The following PLCB4 variants were observed in gnomAD, a reference collection of about 807,000 sequenced individuals.
PLCB4 encodes the protein 1-phosphatidylinositol 4,5-bisphosphate phosphodiesterase beta-4.
A neutral mutation model predicts 178.8 loss-of-function variants in PLCB4; 77 were observed. The observed-to-expected ratio is 0.43, with a 90% CI of 0.36 to 0.52. The LOEUF is 0.52. Among genes scored for constraint, PLCB4 ranks in the 20% least tolerant of loss-of-function variants. The pLI is 0.00. For missense variants in PLCB4, 1,024 were observed against 1,453.4 expected (o/e 0.70, Z 4.80); for synonymous variants, 496 against 490.8 (o/e 1.01, Z -0.14).
intron 39 of PLCB4, among the ~76,000 whole-genome samples, 199 bp from the exon 40 acceptor site, chr20:9,478,722 T>C (rs2044718430): frequency 6.6e-6 from 1 of 152,160 alleles, no homozygotes; most frequent in Non-Finnish European, 1.5e-5. Context: ...ACTGATTCAA[T>C]AGATCTGGGG....
chr20:9,332,108 T>A (rs1021805683), intron 4 of PLCB4, among the ~76,000 whole-genome samples: 2 of 152,226 alleles, frequency 1.3e-5, no homozygotes, highest in African/African-American at 4.8e-5. Flanking sequence ...CTCTTATGGT[T>A]TGTTTCTTTA....
intron 30 of PLCB4, among the ~76,000 whole-genome samples, chr20:9,438,031 T>C (rs551321184): frequency 2.0e-5 from 3 of 152,092 alleles, no homozygotes; most frequent in African/African-American, 7.2e-5. Context: ...GAAATCTAGA[T>C]TAAGTTGGAA....
chr20:9,261,303 G>T (rs944194383), intron 3 of PLCB4, among the ~76,000 whole-genome samples: 5 of 151,958 alleles, frequency 3.3e-5, no homozygotes, highest in Non-Finnish European at 7.4e-5. Context: ...GCATTGAAAA[G>T]ATTTTAGGAA....
intron 4 of PLCB4, among the ~76,000 whole-genome samples, chr20:9,319,818 C>T (rs752340356): frequency 5.9e-5 from 9 of 152,118 alleles, no homozygotes; most frequent in Non-Finnish European, 8.8e-5. Context: ...CAGACACACC[C>T]GGAAGTAATA....
chr20:9,206,866 C>G (rs909173746), intron 2 of PLCB4, among the ~76,000 whole-genome samples: 3 of 152,152 alleles, frequency 2.0e-5, no homozygotes, highest in African/African-American at 7.2e-5. Flanking sequence ...CCTATAAAAA[C>G]CAATACCCTT....
intron 2 of PLCB4, among the ~76,000 whole-genome samples, chr20:9,211,874 A>G (rs2093676943): frequency 6.6e-6 from 1 of 152,246 alleles, no homozygotes; most frequent in Admixed American, 6.5e-5. Context: ...AAACTGTACC[A>G]TTAATAATAA....
chr20:9,405,261 T>G (rs1264558032), intron 20 of PLCB4, 52 bp from the exon 21 acceptor site: 2 of 944,006 alleles, frequency 2.1e-6, no homozygotes, highest in African/African-American at 3.3e-5. Context: ...CTAATAAATT[T>G]GGAATTTTGC....
chr20:9,300,064 A>G (rs987386217), intron 3 of PLCB4, among the ~76,000 whole-genome samples: 1 of 152,160 alleles, frequency 6.6e-6, no homozygotes, highest in Non-Finnish European at 1.5e-5. Flanking sequence ...CTGGAGGTAA[A>G]GCCATTTATT....
intron 2 of PLCB4, among the ~76,000 whole-genome samples, chr20:9,116,904 T>G (rs2091799597): frequency 6.6e-6 from 1 of 152,174 alleles, no homozygotes; most frequent in Non-Finnish European, 1.5e-5. Context: ...ATCCTGCATG[T>G]TTTTTATTCA....
intron 2 of PLCB4, among the ~76,000 whole-genome samples, chr20:9,133,234 C>T (rs561334933): frequency 6.6e-6 from 1 of 152,138 alleles, no homozygotes; most frequent in African/African-American, 2.4e-5. Flanking sequence ...TTTGTGCATA[C>T]TTCTGTTTTT....
At chr20:9,314,691 G>T (rs532717894) in intron 4 of PLCB4, among the ~76,000 whole-genome samples, 161 of 152,164 alleles carry the variant, frequency 1.1e-3, no homozygotes, top group Non-Finnish European at 1.1e-3. Flanking sequence ...AGGGAAGAAC[G>T]TAATAAATGA....
At chr20:9,215,046 C>T (rs182817901) in intron 2 of PLCB4, among the ~76,000 whole-genome samples, 50 of 152,222 alleles carry the variant, frequency 3.3e-4, no homozygotes, top group Admixed American at 3.1e-3. Context: ...GATCATTAAT[C>T]AATGAGCTTT....
intron 2 of PLCB4, among the ~76,000 whole-genome samples, chr20:9,211,653 A>G (rs971749541): frequency 4.0e-5 from 6 of 149,618 alleles, no homozygotes; most frequent in African/African-American, 1.3e-4. Flanking sequence ...AAAAGAAAAT[A>G]CAACCATGAT....
intron 3 of PLCB4, among the ~76,000 whole-genome samples, chr20:9,270,271 C>T (rs1384555415): frequency 6.6e-6 from 1 of 152,120 alleles, no homozygotes; most frequent in Non-Finnish European, 1.5e-5. Flanking sequence ...TTATCACTGT[C>T]ATAATAGGAT....
In PLCB4 at chr20:9,468,691, A is replaced by G. The variant is rs751480319; in HGVS notation, c.3350+19A>G. 4 of 1,371,310 alleles carry G rather than the reference A, an allele frequency of 2.9e-6. No homozygotes were observed. The highest frequency in any genetic ancestry group is 1.2e-5 in the South Asian group (1 of 85,834). The allele number at this position is 1,371,310 out of a possible 1,614,324, so 84.9% of individuals were successfully genotyped here. A position where few individuals can be genotyped will look rare whatever the true frequency, so the allele number is the denominator to read the frequency against. On this transcript the variant is annotated intron_variant, in intron 36 of 39. Coordinates refer to ENST00000378473, the MANE Select transcript of PLCB4 (RefSeq NM_001377142.1). ...GGGAAAGGTAAGTCTGAGAGTGTTC[A>G]CTGCAGGAATATGGCATTGACTTGA... is the stretch of plus-strand genomic sequence containing the variant.
At position 9,113,274 on chromosome 20, in the gene PLCB4, G is replaced by A. The variant is rs75586183; in HGVS notation, c.-79+16932G>A. ...GGAGCCCTTTGCTGCTTTAGCTCAT[G>A]GGCACCTCCAAGAATGCTTCCTCAG... is the stretch of plus-strand genomic sequence containing the variant. On this transcript the variant is annotated intron_variant, in intron 2 of 39. Coordinates refer to ENST00000378473, the MANE Select transcript of PLCB4 (RefSeq NM_001377142.1). Among the ~76,000 whole-genome samples, 674 of 152,222 alleles carry A rather than the reference G, an allele frequency of 4.4e-3. 6 individuals carry two copies. Among genetic ancestry groups the A allele is most frequent in the African/African-American group, 0.015 (634 of 41,540 alleles).
chr20:9,254,049 C>A (rs1318875715), intron 3 of PLCB4, among the ~76,000 whole-genome samples: 1 of 152,178 alleles, frequency 6.6e-6, no homozygotes, highest in East Asian at 1.9e-4. Flanking sequence ...AAGGAACTGC[C>A]TGACAGTCTT....
chr20:9,418,132 T>G (rs1291678006), intron 25 of PLCB4, among the ~76,000 whole-genome samples: 2 of 152,162 alleles, frequency 1.3e-5, no homozygotes, highest in South Asian at 2.1e-4. Flanking sequence ...GTCTTTTTAC[T>G]TTCTTCATAG....
chr20:9,397,297 T>C (rs2038669939), intron 19 of PLCB4, among the ~76,000 whole-genome samples: 1 of 152,230 alleles, frequency 6.6e-6, no homozygotes, highest in African/African-American at 2.4e-5. Flanking sequence ...CAGCCCCATG[T>C]TCAGGCTCCT....
Sources: gnomAD v4.1 joint callset for allele counts (sites outside exome capture counted in the v4.1 genomes callset) on GRCh38, gnomAD v4.1.1 for gene constraint, MANE v1.5 for transcripts, NCBI Gene and HGNC (gene_info 2026-07-23, HGNC 2026-07-21) for gene names.